The following AFF2 variants were observed in gnomAD, a reference collection of about 807,000 sequenced individuals.
The protein encoded by AFF2 is ALF transcription elongation factor 2.
In AFF2, 14 loss-of-function variants were observed where a neutral mutation model predicts 76.9. The ratio of observed to expected loss-of-function variants is 0.18; its 90% CI spans 0.12 to 0.28. The LOEUF is 0.28. AFF2 is among the 10% of genes least tolerant of loss of function. The probability of loss-of-function intolerance (pLI) is 1.00; values close to 1 mark genes in which losing one functional copy is unlikely to be tolerated. For synonymous variants in AFF2, 398 were observed against 366.7 expected (o/e 1.09, Z -0.98); for missense variants, 868 against 1,001.1 (o/e 0.87, Z 1.79).
intron 3 of AFF2, chrX:148,719,376 G>A (rs2055065859): frequency 2.5e-6 from 1 of 401,748 alleles, no homozygotes; most frequent in African/African-American, 2.5e-5. Flanking sequence ...TTTAAATACA[G>A]TTCCTTAGAG....
At chrX:148,661,176 C>G (rs1367570720) in intron 2 of AFF2, among the ~76,000 whole-genome samples, 1 of 112,167 alleles carries the variant, frequency 8.9e-6, no homozygotes, top group Non-Finnish European at 1.9e-5. Flanking sequence ...ATAAATTTTC[C>G]TTAATCATTG....
intron 9 of AFF2, among the ~76,000 whole-genome samples, chrX:148,906,334 G>T (rs1557281426): frequency 8.9e-6 from 1 of 112,168 alleles, no homozygotes; most frequent in Non-Finnish European, 1.9e-5. Context: ...GAAGCAGTTA[G>T]AGCAGTTGTT....
intron 9 of AFF2, among the ~76,000 whole-genome samples, chrX:148,932,421 T>C (rs1276181256): frequency 8.9e-6 from 1 of 111,837 alleles, no homozygotes; most frequent in Non-Finnish European, 1.9e-5. Context: ...TAGGAAGAGC[T>C]TTGGAGTGAG....
intron 9 of AFF2, among the ~76,000 whole-genome samples, chrX:148,908,499 T>C (rs1557281689): frequency 8.9e-6 from 1 of 112,458 alleles, no homozygotes. Flanking sequence ...CAGTCCCTGT[T>C]ATTCTTGACT....
chrX:148,712,820 G>T (rs1348518635), intron 3 of AFF2, among the ~76,000 whole-genome samples: 2 of 112,132 alleles, frequency 1.8e-5, no homozygotes, highest in African/African-American at 3.2e-5. Flanking sequence ...AATAAAACAA[G>T]TCAGGACTCT....
At chrX:148,588,114 C>T (rs1557246121) in intron 1 of AFF2, among the ~76,000 whole-genome samples, 1 of 112,766 alleles carries the variant, frequency 8.9e-6, no homozygotes, top group African/African-American at 3.2e-5. Context: ...CTCTGCAGCA[C>T]GGGTTCTTAT....
chrX:148,542,654 C>T (rs2052872469), intron 1 of AFF2, among the ~76,000 whole-genome samples: 2 of 111,866 alleles, frequency 1.8e-5, no homozygotes, highest in South Asian at 7.6e-4. Flanking sequence ...CAGGTGCCCA[C>T]AGGCTGAAGG....
chrX:148,520,474 C>G (rs1403803218), intron 1 of AFF2, among the ~76,000 whole-genome samples: 1 of 111,610 alleles, frequency 9.0e-6, no homozygotes, highest in Admixed American at 9.5e-5. Context: ...GGTAGGCACC[C>G]GGCTCCCACG....
chrX:148,538,522 G>C lies in AFF2; in HGVS notation c.47+37378G>C, dbSNP rs150023927. Among the ~76,000 whole-genome samples, 562 of 112,749 alleles carry C rather than the reference G, an allele frequency of 5.0e-3. 3 individuals carry two copies. Among genetic ancestry groups the C allele is most frequent in the African/African-American group, 0.017 (523 of 31,074 alleles). On this transcript the variant is annotated intron_variant, in intron 1 of 20. Transcript: ENST00000370460. ...TTGTAGAAATACAGATTATGCCTCA[G>C]AATATCTGGCGAAGCACTGACTAAA...
chrX:148,540,501 T>C (rs1557237369), intron 1 of AFF2, among the ~76,000 whole-genome samples: 1 of 108,735 alleles, frequency 9.2e-6, no homozygotes, highest in African/African-American at 3.4e-5. Context: ...AAAAAGCCAG[T>C]ATAGTCGCAG....
intron 1 of AFF2, among the ~76,000 whole-genome samples, chrX:148,521,312 T>G (rs2052594356): frequency 9.3e-6 from 1 of 107,843 alleles, no homozygotes; most frequent in Non-Finnish European, 1.9e-5. Flanking sequence ...TACATTCAGG[T>G]ATAACTTACA....
Position 148,930,388 on chromosome X carries a change from G to A in AFF2, c.1398-23192G>A, listed in dbSNP as rs1387415322. ...AAGCCCTGGTGGGGGCTGAAGTTGTGCAGGACACTTGCCATTTCTACACTG... is the reference window on the plus strand; with the variant it reads ...AAGCCCTGGTGGGGGCTGAAGTTGTACAGGACACTTGCCATTTCTACACTG... On this transcript the variant is annotated intron_variant, in intron 9 of 20. Transcript: ENST00000370460. 2.7e-5 allele frequency among the ~76,000 whole-genome samples: 3 copies of A among 111,888 alleles called. No homozygotes were observed. In the East Asian group the frequency reaches 8.5e-4, roughly 32 times the overall value.
chrX:148,617,653 A>G (rs1284848071), intron 1 of AFF2, among the ~76,000 whole-genome samples: 1 of 111,756 alleles, frequency 8.9e-6, no homozygotes, highest in Non-Finnish European at 1.9e-5. Flanking sequence ...CCATGCAAAG[A>G]CCCCTTGAAT....
At chrX:148,703,901 T>C (rs1345097963) in intron 3 of AFF2, among the ~76,000 whole-genome samples, 1 of 109,676 alleles carries the variant, frequency 9.1e-6, no homozygotes, top group Non-Finnish European at 1.9e-5. Context: ...CCATCTTCTT[T>C]TTTATTGAGA....
At chrX:148,676,575 A>G (rs782321339) in intron 3 of AFF2, among the ~76,000 whole-genome samples, 38 of 112,357 alleles carry the variant, frequency 3.4e-4, no homozygotes, top group South Asian at 1.9e-3. Context: ...GAAAAGCCAC[A>G]GTGAAGTATA....
At chrX:148,667,375 T>C (rs1225142198) in intron 3 of AFF2, among the ~76,000 whole-genome samples, 1 of 112,432 alleles carries the variant, frequency 8.9e-6, no homozygotes, top group African/African-American at 3.2e-5. Flanking sequence ...GTTCTAGATA[T>C]GTCCATGCAG....
At chrX:148,634,608 C>T (rs1350597077) in intron 1 of AFF2, among the ~76,000 whole-genome samples, 1 of 112,024 alleles carries the variant, frequency 8.9e-6, no homozygotes, top group East Asian at 2.8e-4. Context: ...CCTCTTCTCT[C>T]CCTCTCTCAA....
chrX:148,580,833 A>C (rs1228007807), intron 1 of AFF2, among the ~76,000 whole-genome samples: 1 of 108,361 alleles, frequency 9.2e-6, no homozygotes, highest in Non-Finnish European at 1.9e-5. Context: ...GTAAATAACA[A>C]ATCAATTTTA....
At chrX:148,619,860 G>A (rs1557250990) in intron 1 of AFF2, among the ~76,000 whole-genome samples, 1 of 112,020 alleles carries the variant, frequency 8.9e-6, no homozygotes, top group African/African-American at 3.2e-5. Context: ...TGAGTTCTGT[G>A]TGATCTACCA....
Sources: gnomAD v4.1 joint callset for allele counts (sites outside exome capture counted in the v4.1 genomes callset) on GRCh38, gnomAD v4.1.1 for gene constraint, MANE v1.5 for transcripts, NCBI Gene and HGNC (gene_info 2026-07-23, HGNC 2026-07-21) for gene names.